Variants in VPS54 observed in about 807,000 individuals in gnomAD.
VPS54 encodes the protein vacuolar protein sorting-associated protein 54.
VPS54 carries 45 observed loss-of-function variants against 121.5 expected under a neutral mutation model. That is an observed-to-expected ratio of 0.37 (90% CI 0.29 to 0.47). The LOEUF (loss-of-function observed/expected upper bound fraction) is 0.47, where lower values mean the gene tolerates loss of function less well. Among genes scored for constraint, VPS54 ranks in the 20% least tolerant of loss-of-function variants. The probability of loss-of-function intolerance (pLI) is 0.99; values close to 1 mark genes in which losing one functional copy is unlikely to be tolerated. For synonymous variants in VPS54, 371 were observed against 385.8 expected (o/e 0.96, Z 0.45); for missense variants, 1,090 against 1,131.4 (o/e 0.96, Z 0.52).
At chr2:63,955,828 A>T (rs2104545224) in intron 7 of VPS54, among the ~76,000 whole-genome samples, 1 of 152,238 alleles carries the variant, frequency 6.6e-6, no homozygotes, top group African/African-American at 2.4e-5. Flanking sequence ...TGCAATAATA[A>T]TGATGTATGC....
chr2:63,942,505 T>C lies in VPS54; in HGVS notation c.1358A>G (p.Asp453Gly), dbSNP rs1376340879. The change falls in exon 11 of 23, where the codon GAT (aspartate) becomes GGT (glycine). Residue 453 changes from aspartate to glycine, a missense_variant. Asp to Gly is a moderately conservative substitution (Grantham distance 94). Around this residue, in one of 2 missense-constraint regions of VPS54, gnomAD observed 801 missense variants for 757.0 expected, o/e 1.06. Coordinates refer to ENST00000272322, the MANE Select transcript of VPS54 (RefSeq NM_016516.3). ...GAAAATTGTAAACTTAGAGAAAATA[T>C]CCTTGAGCAGATCAAACCACTGGGG... is the stretch of plus-strand genomic sequence containing the variant. ...NFPQWFDLLK[D>G]IFSKFTIFLQ... 4 of 1,599,004 alleles carry C rather than the reference T, an allele frequency of 2.5e-6. No homozygotes were observed. Among genetic ancestry groups the C allele is most frequent in the African/African-American group, 1.3e-5 (1 of 74,688 alleles).
At chr2:63,905,925 T>C (rs1672886603) in intron 20 of VPS54, among the ~76,000 whole-genome samples, 1 of 152,180 alleles carries the variant, frequency 6.6e-6, no homozygotes, top group Non-Finnish European at 1.5e-5. Context: ...GACTAAGAAA[T>C]GCAGACCATA....
At chr2:64,018,720 C>T (rs1362569360) in intron 1 of VPS54, among the ~76,000 whole-genome samples, 1 of 147,938 alleles carries the variant, frequency 6.8e-6, no homozygotes, top group Non-Finnish European at 1.5e-5. Context: ...CAGCTGCCAG[C>T]CCCGATCCCG....
chr2:63,915,434 A>C (rs1307956240), intron 16 of VPS54, among the ~76,000 whole-genome samples: 1 of 152,332 alleles, frequency 6.6e-6, no homozygotes, highest in East Asian at 1.9e-4. Context: ...CCATATATGC[A>C]TACTGGTCTC....
rs987161082 is a variant in VPS54 at position 63,892,273 on chromosome 2, T to A, written c.*1157A>T. ...CCAAAGAGCACAAAATAAGACTGTT[T>A]CATTATACATAATCACCACAGGATA... On this transcript the variant is annotated 3_prime_UTR_variant, in exon 23 of 23. Transcript: ENST00000272322. 1 of 152,180 alleles carries A rather than the reference T, an allele frequency of 6.6e-6. No homozygotes were observed. The highest frequency in any genetic ancestry group is 1.5e-5 in the Non-Finnish European group (1 of 68,014). 9.4% of individuals were successfully genotyped at this position (152,180 alleles called of 1,614,324 possible).
chr2:63,947,786 C>A (rs992355895), intron 8 of VPS54, among the ~76,000 whole-genome samples: 1 of 152,086 alleles, frequency 6.6e-6, no homozygotes, highest in Non-Finnish European at 1.5e-5. Flanking sequence ...ATATCCTTCT[C>A]ACACCCTGAT....
rs952546687 is a variant in VPS54, at chr2:64,018,963, G to T, written c.-46C>A. On this transcript the variant is annotated 5_prime_UTR_variant, in exon 1 of 23. Transcript: ENST00000272322. ...CTGCGGGTCCCGGGGCAGCCGCCCT[G>T]AGCGAGGCCTAGTGCATCGCCGCCG... 7.9e-5 allele frequency: 12 copies of T among 151,966 alleles called. No homozygotes were observed. The highest frequency in any genetic ancestry group is 2.7e-4 in the African/African-American group (11 of 41,296). 9.4% of individuals were successfully genotyped at this position (151,966 alleles called of 1,614,324 possible).
At chr2:63,894,417 C>T (rs1206327529) in intron 22 of VPS54, among the ~76,000 whole-genome samples, 1 of 152,134 alleles carries the variant, frequency 6.6e-6, no homozygotes, top group East Asian at 1.9e-4. Context: ...ATGGCTGATT[C>T]ATGGCCAGGA....
intron 12 of VPS54, among the ~76,000 whole-genome samples, chr2:63,931,545 A>G (rs929561601): frequency 6.6e-6 from 1 of 152,224 alleles, no homozygotes; most frequent in Non-Finnish European, 1.5e-5. Context: ...CTAGGACCAT[A>G]AAACTCCTAG....
chr2:63,905,898 A>G (rs1214679222), intron 20 of VPS54, among the ~76,000 whole-genome samples: 1 of 152,244 alleles, frequency 6.6e-6, no homozygotes, highest in Non-Finnish European at 1.5e-5. Context: ...TTAGAAATTT[A>G]GAAATTAATT....
intron 1 of VPS54, among the ~76,000 whole-genome samples, chr2:63,999,559 C>T (rs1027506085): frequency 1.3e-5 from 2 of 152,020 alleles, no homozygotes; most frequent in Non-Finnish European, 2.9e-5. Flanking sequence ...TTAAATGTCT[C>T]GAGTTAGTCC....
intron 7 of VPS54, among the ~76,000 whole-genome samples, chr2:63,955,723 C>T (rs1228358572): frequency 6.6e-6 from 1 of 151,950 alleles, no homozygotes; most frequent in Non-Finnish European, 1.5e-5. Context: ...CTACACAAAT[C>T]CTTAAATGCA....
chr2:63,892,395 G>A lies in VPS54; in HGVS notation c.*1035C>T, dbSNP rs1672257732. The A allele has an allele frequency of 6.6e-6, 1 of 152,118 alleles. No homozygotes were observed. The highest frequency in any genetic ancestry group is 1.5e-5 in the Non-Finnish European group (1 of 68,004). 9.4% of individuals were successfully genotyped at this position (152,118 alleles called of 1,614,324 possible). A position where few individuals can be genotyped will look rare whatever the true frequency, so the allele number is the denominator to read the frequency against. On this transcript the variant is annotated 3_prime_UTR_variant, in exon 23 of 23. Transcript: ENST00000272322. ...CTGCTGATTCTAATTTTGAAGGTAG[G>A]TATTATAAAAGTCTTTACTTGTCAC...
At chr2:63,920,083 TG>T in intron 14 of VPS54, 88 bp from the exon 15 acceptor site, 1 of 1,128,678 alleles carries the variant, frequency 8.9e-7, no homozygotes, top group Non-Finnish European at 1.3e-6. Flanking sequence ...AAGAGCTGAG[TG>T]AGAACATAAG....
chr2:63,949,426 T>TA (rs1491057085), intron 7 of VPS54, among the ~76,000 whole-genome samples: 2 of 152,216 alleles, frequency 1.3e-5, no homozygotes, highest in East Asian at 3.8e-4. Context: ...GAAATCTGTG[T>TA]ATAACTTTTG....
At chr2:63,925,780 G>A (rs1412323859) in intron 12 of VPS54, among the ~76,000 whole-genome samples, 2 of 152,106 alleles carry the variant, frequency 1.3e-5, no homozygotes, top group African/African-American at 4.8e-5. Context: ...TTTAAAAACT[G>A]GAAAAACCAA....
intron 11 of VPS54, among the ~76,000 whole-genome samples, chr2:63,941,243 G>A (rs1051387894): frequency 2.6e-5 from 4 of 151,314 alleles, no homozygotes; most frequent in African/African-American, 9.7e-5. Flanking sequence ...TTCATTTTTT[G>A]AGATGGAGTC....
At chr2:63,895,699 A>AACTT (rs1553469101) in intron 22 of VPS54, among the ~76,000 whole-genome samples, 1 of 151,982 alleles carries the variant, frequency 6.6e-6, no homozygotes, top group African/African-American at 2.4e-5. Context: ...AGAAACAAAA[A>AACTT]CTTTTAAGCA....
chr2:63,910,560 G>C (rs1332903115), intron 20 of VPS54, among the ~76,000 whole-genome samples: 2 of 152,262 alleles, frequency 1.3e-5, no homozygotes, highest in African/African-American at 2.4e-5. Flanking sequence ...TGTGATAATA[G>C]TGTGGTTATG....
Sources: allele counts gnomAD v4.1 joint callset (sites outside exome capture counted in the v4.1 genomes callset), GRCh38; gene constraint gnomAD v4.1.1; regional missense constraint gnomAD v4.1.1; transcripts MANE v1.5; gene names NCBI Gene and HGNC (gene_info 2026-07-23, HGNC 2026-07-21).